KIAA1217: variants seen among roughly 807,000 people sequenced by gnomAD.
KIAA1217 encodes sickle tail protein homolog.
A neutral mutation model predicts 163.9 loss-of-function variants in KIAA1217; 88 were observed. That is an observed-to-expected ratio of 0.54 (90% CI 0.45 to 0.64). The LOEUF (loss-of-function observed/expected upper bound fraction) is 0.64. Among genes scored for constraint, KIAA1217 ranks in the 30% least tolerant of loss-of-function variants. KIAA1217 has a pLI of 0.00. For synonymous variants in KIAA1217, 903 were observed against 923.1 expected, an observed-to-expected ratio of 0.98 and a Z score of 0.39; for missense variants, 2,372 against 2,475.0, an observed-to-expected ratio of 0.96 and a Z score of 0.88.
At chr10:24,291,183 T>C (rs2132453050) in intron 2 of KIAA1217, among the ~76,000 whole-genome samples, 1 of 152,296 alleles carries the variant, frequency 6.6e-6, no homozygotes, top group South Asian at 2.1e-4. Context: ...AAGCATGGGC[T>C]ATCCTAGAGC....
intron 2 of KIAA1217, among the ~76,000 whole-genome samples, chr10:24,068,995 C>T (rs2061079944): frequency 6.6e-6 from 1 of 152,082 alleles, no homozygotes; most frequent in Middle Eastern, 3.4e-3. Flanking sequence ...AAGCCAGTTC[C>T]TTAGGCAACC....
intron 2 of KIAA1217, among the ~76,000 whole-genome samples, chr10:24,110,600 TAAA>T (rs11452842): frequency 0.025 from 3,458 of 140,380 alleles, 136 homozygotes; most frequent in African/African-American, 0.083. Context: ...CTGTGGGCCT[TAAA>T]AAAAAAAAAA....
intron 2 of KIAA1217, among the ~76,000 whole-genome samples, chr10:24,322,753 C>T (rs1044986542): frequency 6.6e-6 from 1 of 152,122 alleles, no homozygotes; most frequent in Non-Finnish European, 1.5e-5. Context: ...CAGGGCTGCT[C>T]ATCTGAATCC....
At chr10:24,271,141 T>G (rs537694589) in intron 2 of KIAA1217, among the ~76,000 whole-genome samples, 1 of 152,338 alleles carries the variant, frequency 6.6e-6, no homozygotes, top group Non-Finnish European at 1.5e-5. Context: ...TGAAGCTTTC[T>G]TTTCCAATTT....
intron 1 of KIAA1217, among the ~76,000 whole-genome samples, chr10:23,793,800 T>A (rs879798095): frequency 5.9e-5 from 9 of 152,286 alleles, no homozygotes; most frequent in Non-Finnish European, 1.0e-4. Context: ...AGCACACCCC[T>A]AGCTGTGGAC....
intron 1 of KIAA1217, among the ~76,000 whole-genome samples, chr10:23,734,605 A>G (rs1414346634): frequency 6.6e-6 from 1 of 151,838 alleles, no homozygotes; most frequent in African/African-American, 2.4e-5. Flanking sequence ...TAAACTTTTT[A>G]TCATACACTT....
intron 1 of KIAA1217, among the ~76,000 whole-genome samples, chr10:23,900,620 A>G (rs762621914): frequency 1.3e-5 from 2 of 152,064 alleles, no homozygotes; most frequent in Non-Finnish European, 2.9e-5. Flanking sequence ...GACTTATATT[A>G]CTCTGTCTTG....
intron 1 of KIAA1217, among the ~76,000 whole-genome samples, chr10:23,727,177 G>C (rs750268354): frequency 2.0e-5 from 3 of 151,422 alleles, no homozygotes; most frequent in Non-Finnish European, 4.4e-5. Context: ...TTTTTTAGTA[G>C]AGACAGGGTT....
intron 2 of KIAA1217, among the ~76,000 whole-genome samples, chr10:24,304,359 A>T (rs575603236): frequency 9.2e-5 from 14 of 151,976 alleles, no homozygotes; most frequent in East Asian, 5.8e-4. Flanking sequence ...ATTTAAAAAA[A>T]TTTTTTTACT....
intron 1 of KIAA1217, among the ~76,000 whole-genome samples, chr10:23,699,008 G>A (rs1041054584): frequency 2.6e-5 from 4 of 152,216 alleles, no homozygotes; most frequent in Non-Finnish European, 4.4e-5. Flanking sequence ...TTACAGGCAT[G>A]AGCCACTGCA....
At chr10:24,136,639 A>C (rs959854210) in intron 2 of KIAA1217, among the ~76,000 whole-genome samples, 3 of 152,214 alleles carry the variant, frequency 2.0e-5, no homozygotes, top group African/African-American at 7.2e-5. Context: ...GACTGTCTAC[A>C]TAACCTTTTT....
intron 2 of KIAA1217, among the ~76,000 whole-genome samples, chr10:24,264,765 T>TTCTCTCTCTCTCTCTCTCTCTC (rs55761615): frequency 1.5e-5 from 2 of 131,838 alleles, no homozygotes; most frequent in African/African-American, 5.7e-5. Flanking sequence ...CGGTCGGTCT[T>TTCTCTCTCTCTCTCTCTCTCTC]TCTCTCTCTC....
At chr10:23,767,204 C>T (rs1331181468) in intron 1 of KIAA1217, among the ~76,000 whole-genome samples, 2 of 152,202 alleles carry the variant, frequency 1.3e-5, no homozygotes, top group African/African-American at 4.8e-5. Context: ...CTGAGAATTA[C>T]AGCTGATGGT....
At chr10:23,757,391 T>A (rs1393211175) in intron 1 of KIAA1217, among the ~76,000 whole-genome samples, 1 of 152,234 alleles carries the variant, frequency 6.6e-6, no homozygotes, top group African/African-American at 2.4e-5. Flanking sequence ...GGTCATTTTT[T>A]ATATTTTGTT....
chr10:24,030,425 C>A (rs574942582), intron 2 of KIAA1217, among the ~76,000 whole-genome samples: 1 of 152,076 alleles, frequency 6.6e-6, no homozygotes, highest in African/African-American at 2.4e-5. Context: ...CCTGCCAACA[C>A]GTAAGAAGTG....
chr10:23,806,746 C>A (rs890361668), intron 1 of KIAA1217, among the ~76,000 whole-genome samples: 1 of 152,012 alleles, frequency 6.6e-6, no homozygotes, highest in Non-Finnish European at 1.5e-5. Context: ...TTCTTTTTGC[C>A]GATTCTTTGA....
chr10:24,147,472 A>T (rs1027049821), intron 2 of KIAA1217, among the ~76,000 whole-genome samples: 1 of 152,140 alleles, frequency 6.6e-6, no homozygotes, highest in Non-Finnish European at 1.5e-5. Context: ...TGTCCAACAG[A>T]TGTGCTATGT....
At chr10:23,995,325 A>G (rs1589207467) in intron 1 of KIAA1217, among the ~76,000 whole-genome samples, 1 of 152,186 alleles carries the variant, frequency 6.6e-6, no homozygotes. Flanking sequence ...AAGAAACACA[A>G]TAGAATCCTT....
At chr10:24,219,065 T>C (rs2069227659) in intron 1 of KIAA1217, among the ~76,000 whole-genome samples, 1 of 152,196 alleles carries the variant, frequency 6.6e-6, no homozygotes, top group Non-Finnish European at 1.5e-5. Flanking sequence ...GGAATAACCC[T>C]ATTGCCTGCA....
Sources: allele counts gnomAD v4.1 joint callset (sites outside exome capture counted in the v4.1 genomes callset), GRCh38; gene constraint gnomAD v4.1.1; transcripts MANE v1.5; gene names NCBI Gene and HGNC (gene_info 2026-07-23, HGNC 2026-07-21).